SLC16A2: variants seen among roughly 807,000 people sequenced by gnomAD.
SLC16A2 encodes monocarboxylate transporter 8.
In SLC16A2, 3 loss-of-function variants were observed where a neutral mutation model predicts 27.2. That is an observed-to-expected ratio of 0.11 (90% CI 0.05 to 0.28). The LOEUF is 0.28. Ranked by LOEUF, SLC16A2 falls within the 10% of genes least tolerant of loss-of-function variation. The pLI is 1.00. For synonymous variants in SLC16A2, 202 were observed against 187.8 expected, an observed-to-expected ratio of 1.08 and a Z score of -0.62; for missense variants, 295 against 458.5, an observed-to-expected ratio of 0.64 and a Z score of 3.26.
chrX:74,426,171 AGT>A (rs756483973), intron 1 of SLC16A2, among the ~76,000 whole-genome samples: 215 of 111,710 alleles, frequency 1.9e-3, no homozygotes, highest in African/African-American at 6.7e-3. Context: ...TTGGGAGCAA[AGT>A]GTATTTTGAG....
Position 74,443,862 on chromosome X carries a change from G to T in SLC16A2, c.430+21795G>T, listed in dbSNP as rs188539095. Among the ~76,000 whole-genome samples, 305 of 111,356 alleles carry T rather than the reference G, an allele frequency of 2.7e-3. 2 individuals are homozygous for T. Among genetic ancestry groups the T allele is most frequent in the African/African-American group, 9.8e-3 (300 of 30,611 alleles). On this transcript the variant is annotated intron_variant, in intron 1 of 5. Coordinates refer to ENST00000587091, the MANE Select transcript of SLC16A2 (RefSeq NM_006517.5). ...GAGATGAATATTTCCTTCCCTGCCCGCCCCATCATACCTTTTCCTCTTGGA... is the reference window on the plus strand; with the variant it reads ...GAGATGAATATTTCCTTCCCTGCCCTCCCCATCATACCTTTTCCTCTTGGA...
At chrX:74,502,366 A>G (rs1042106338) in intron 1 of SLC16A2, among the ~76,000 whole-genome samples, 1 of 101,883 alleles carries the variant, frequency 9.8e-6, no homozygotes, top group South Asian at 4.1e-4. Context: ...ACCCTTGCGG[A>G]TATAATAACC....
At chrX:74,438,494 C>T (rs1392784081) in intron 1 of SLC16A2, among the ~76,000 whole-genome samples, 1 of 112,842 alleles carries the variant, frequency 8.9e-6, no homozygotes, top group Admixed American at 9.3e-5. Flanking sequence ...TACATCTGAT[C>T]TTAAGCCTGA....
rs754248199 is a variant in SLC16A2, at chrX:74,525,742, C to T, written c.1027-8C>T. ...TGTTTCTGGGGATCCTTGTGCTATGCTTTTCAGATGAAGTATGTGGAGGAG... is the reference window on the plus strand; with the variant it reads ...TGTTTCTGGGGATCCTTGTGCTATGTTTTTCAGATGAAGTATGTGGAGGAG... On this transcript the variant is annotated splice_polypyrimidine_tract_variant and splice_region_variant and intron_variant, in intron 3 of 5. Transcript: ENST00000587091. 3.3e-6 allele frequency: 4 copies of T among 1,211,507 alleles called. No individual in the cohort carries two copies. The highest frequency in any genetic ancestry group is 3.5e-5 in the South Asian group (2 of 56,983).
At chrX:74,509,332 T>G (rs1176370882) in intron 1 of SLC16A2, among the ~76,000 whole-genome samples, 1 of 111,916 alleles carries the variant, frequency 8.9e-6, no homozygotes, top group Non-Finnish European at 1.9e-5. Context: ...AGGCTTTTCA[T>G]GGTTGCCCTC....
chrX:74,523,023 C>G (rs954301433), intron 2 of SLC16A2, among the ~76,000 whole-genome samples: 2 of 31,337 alleles, frequency 6.4e-5, no homozygotes, highest in African/African-American at 1.1e-4. Context: ...AGATCCACCA[C>G]ATGGATCTAA....
At chrX:74,512,533 G>A (rs1930250071) in intron 1 of SLC16A2, among the ~76,000 whole-genome samples, 1 of 111,996 alleles carries the variant, frequency 8.9e-6, no homozygotes, top group Non-Finnish European at 1.9e-5. Context: ...CCTCATTTGA[G>A]CTTTTGTTAG....
intron 1 of SLC16A2, among the ~76,000 whole-genome samples, chrX:74,454,278 G>A (rs1448747207): frequency 9.0e-6 from 1 of 110,810 alleles, no homozygotes; most frequent in Non-Finnish European, 1.9e-5. Flanking sequence ...ACATGCACAC[G>A]TATGTTTATT....
chrX:74,441,658 G>C (rs1415984707), intron 1 of SLC16A2, among the ~76,000 whole-genome samples: 1 of 111,203 alleles, frequency 9.0e-6, no homozygotes. Flanking sequence ...CCAGGGCTTT[G>C]AATATGTTCA....
intron 1 of SLC16A2, among the ~76,000 whole-genome samples, chrX:74,511,675 C>T (rs1482238102): frequency 8.9e-6 from 1 of 112,362 alleles, no homozygotes; most frequent in South Asian, 3.7e-4. Context: ...GAATTCTAGA[C>T]ACAATGGATG....
chrX:74,527,983 T>A (rs1930510876), intron 4 of SLC16A2, among the ~76,000 whole-genome samples: 1 of 111,756 alleles, frequency 8.9e-6, no homozygotes, highest in East Asian at 2.8e-4. Flanking sequence ...GTTCAAAGTC[T>A]CCCAACAAAA....
chrX:74,471,775 A>G (rs1453366949), intron 1 of SLC16A2, among the ~76,000 whole-genome samples: 2 of 111,563 alleles, frequency 1.8e-5, no homozygotes, highest in African/African-American at 6.5e-5. Flanking sequence ...CATCTTCCCA[A>G]ACTGAAACTC....
At chrX:74,508,404 C>T (rs1930171717) in intron 1 of SLC16A2, among the ~76,000 whole-genome samples, 1 of 111,858 alleles carries the variant, frequency 8.9e-6, no homozygotes, top group African/African-American at 3.2e-5. Context: ...ATATAGAGGT[C>T]TGACATGTTT....
intron 1 of SLC16A2, among the ~76,000 whole-genome samples, chrX:74,477,316 G>A (rs1330673610): frequency 3.6e-5 from 4 of 111,369 alleles, no homozygotes; most frequent in Non-Finnish European, 7.6e-5. Context: ...CTGTGGGATC[G>A]GTGGTGATAT....
intron 5 of SLC16A2, among the ~76,000 whole-genome samples, chrX:74,530,100 T>C (rs1272826334): frequency 3.0e-5 from 3 of 99,689 alleles, no homozygotes; most frequent in African/African-American, 1.1e-4. Flanking sequence ...CTTTTTTTTT[T>C]TTTTTTTTTT....
intron 1 of SLC16A2, among the ~76,000 whole-genome samples, chrX:74,485,847 G>A (rs929443050): frequency 9.0e-6 from 1 of 111,387 alleles, no homozygotes; most frequent in Non-Finnish European, 1.9e-5. Flanking sequence ...CACCCTGCCG[G>A]ATCCGGAGGG....
chrX:74,422,420 C>A (rs1196442121), intron 1 of SLC16A2, among the ~76,000 whole-genome samples: 1 of 109,155 alleles, frequency 9.2e-6, no homozygotes, highest in African/African-American at 3.3e-5. Flanking sequence ...AAAATATTTG[C>A]AGGACTTTTT....
At chrX:74,489,333 T>C (rs939988483) in intron 1 of SLC16A2, among the ~76,000 whole-genome samples, 2 of 112,080 alleles carry the variant, frequency 1.8e-5, no homozygotes, top group Non-Finnish European at 3.8e-5. Flanking sequence ...TCAAAAATTA[T>C]ACAAGCAAAG....
chrX:74,471,357 T>C (rs1167160785), intron 1 of SLC16A2, among the ~76,000 whole-genome samples: 1 of 112,204 alleles, frequency 8.9e-6, no homozygotes, highest in East Asian at 2.8e-4. Flanking sequence ...ATTTCTCTGA[T>C]GGCTCTAAGA....
Sources: allele counts gnomAD v4.1 joint callset (sites outside exome capture counted in the v4.1 genomes callset), GRCh38; gene constraint gnomAD v4.1.1; transcripts MANE v1.5; gene names NCBI Gene and HGNC (gene_info 2026-07-23, HGNC 2026-07-21).